SFXN3: variants seen among roughly 807,000 people sequenced by gnomAD.
The protein encoded by SFXN3 is sideroflexin-3.
Under a neutral mutation model 40.4 loss-of-function variants are expected in SFXN3, and 31 were observed. That is an observed-to-expected ratio of 0.77 (90% CI 0.58 to 1.04). The LOEUF is 1.04. Ranked by LOEUF, SFXN3 falls within the 50% of genes least tolerant of loss-of-function variation. The pLI is 0.00. For missense variants in SFXN3, 366 were observed against 408.2 expected (o/e 0.90, Z 0.89); for synonymous variants, 157 against 160.0 (o/e 0.98, Z 0.14).
At position 101,035,671 on chromosome 10, in the gene SFXN3, G is replaced by C. The variant is rs1219233228; in HGVS notation, c.332+4G>C. On this transcript the variant is annotated splice_donor_region_variant and intron_variant, in intron 4 of 11. Transcript: ENST00000393459. ...GCTGCATGCTCACATTCTACAGGCA[G>C]GTCTTGTCCCACGTCCCCTTCTTCA... 6.2e-7 allele frequency: 1 copy of C among 1,605,828 alleles called. No individual in the cohort carries two copies. The highest frequency in any genetic ancestry group is 1.3e-5 in the African/African-American group (1 of 74,956).
At chr10:101,035,766 T>C (rs1938567372) in intron 4 of SFXN3, 99 bp downstream of exon 4, 1 of 1,470,318 alleles carries the variant, frequency 6.8e-7, no homozygotes, top group South Asian at 1.3e-5. Flanking sequence ...AGTGAAAGAT[T>C]GTGTCAGAAT....
rs992068063 is a variant in SFXN3 at position 101,035,833 on chromosome 10, T to C, written c.332+166T>C. 6 of 1,129,246 alleles carry C rather than the reference T, an allele frequency of 5.3e-6. No individual in the cohort carries two copies. In the Admixed American group the frequency reaches 1.3e-4, roughly 24 times the overall value. 70.0% of individuals were successfully genotyped at this position (1,129,246 alleles called of 1,614,324 possible). On this transcript the variant is annotated intron_variant, in intron 4 of 11. Coordinates refer to ENST00000393459, the Ensembl canonical transcript of SFXN3. Reference sequence around the variant, plus strand: ...GGTCTCTCACCCCAGAGACAGTAGGTGTGTTTGTATAAATGGGGGTGGGGG... The same window carrying C: ...GGTCTCTCACCCCAGAGACAGTAGGCGTGTTTGTATAAATGGGGGTGGGGG...
In SFXN3 at chr10:101,037,554, C is replaced by A. The variant is rs931403519; in HGVS notation, c.771+123C>A. 88 of 1,592,700 alleles carry A rather than the reference C, an allele frequency of 5.5e-5. No individual in the cohort carries two copies. The African/African-American group carries it at 1.1e-3, about 21-fold the overall frequency. ...TTGCCAGCCCTTCTCCTGACCCCTG[C>A]ACCGCCTCCTCCACCTTCGTTCATT... On this transcript the variant is annotated intron_variant, in intron 9 of 11. Transcript: ENST00000393459.
At chr10:101,034,336 A>C (rs1003303487) in intron 2 of SFXN3, among the ~76,000 whole-genome samples, 2 of 152,224 alleles carry the variant, frequency 1.3e-5, no homozygotes, top group Non-Finnish European at 2.9e-5. Flanking sequence ...CACGTCCTGC[A>C]CATCCCTAGA....
exon 12 of SFXN3, chr10:101,040,236 C>G (rs1002702850): frequency 1.3e-5 from 2 of 154,282 alleles, no homozygotes; most frequent in African/African-American, 2.4e-5. Flanking sequence ...CTCCTCTCTA[C>G]CAGACAAAGG....
chr10:101,031,337 T>C (rs556951215), exon 1 of SFXN3: 1 of 152,398 alleles, frequency 6.6e-6, no homozygotes, highest in South Asian at 2.1e-4. Flanking sequence ...CCCTAGCTCA[T>C]TCCGCAAATT....
At chr10:101,034,798 A>G in exon 3 of SFXN3, 1 of 1,614,118 alleles carries the variant, frequency 6.2e-7, no homozygotes, top group Non-Finnish European at 8.5e-7. Flanking sequence ...GATCCTCGAA[A>G]TCTGCTGCTG....
At position 101,036,521 on chromosome 10, in the gene SFXN3, G is replaced by A. The variant is rs1044341866; in HGVS notation, c.467G>A (p.Gly156Glu). 1 of 1,614,090 alleles carries A rather than the reference G, an allele frequency of 6.2e-7. No homozygotes were observed. Among genetic ancestry groups the A allele is most frequent in the Non-Finnish European group, 8.5e-7 (1 of 1,179,982 alleles). Residue 156 changes from glycine to glutamate, a missense_variant, in exon 6 of 12, where the codon GGA (glycine) becomes GAA (glutamate). By Grantham distance (98) the Gly-to-Glu change is moderately conservative. Coordinates refer to ENST00000393459, the Ensembl canonical transcript of SFXN3. This position sits in a 1 kb window ranked among gnomAD's most constrained non-coding sequence, Gnocchi z 4.2. ...ACAGCCTATGTGAGTGCCACCACTG[G>A]AGCTGTGGCCACGGCCCTGGGACTC... is the stretch of plus-strand genomic sequence containing the variant.
At chr10:101,034,966 C>G in intron 3 of SFXN3, 111 bp downstream of exon 3, 1 of 1,360,168 alleles carries the variant, frequency 7.4e-7, no homozygotes, top group Non-Finnish European at 1.0e-6. Flanking sequence ...TCCCTCAATC[C>G]CCTCACTCTC....
At chr10:101,037,029 G>C (rs751720466) in intron 7 of SFXN3, 47 bp from the exon 8 acceptor site, 1 of 1,608,174 alleles carries the variant, frequency 6.2e-7, no homozygotes, top group African/African-American at 1.3e-5. Context: ...GGCATTGCAG[G>C]TGGGATCCGG....
chr10:101,038,312 T>C, intron 9 of SFXN3: 2 of 1,255,432 alleles, frequency 1.6e-6, no homozygotes, highest in South Asian at 1.9e-5. Flanking sequence ...TGGGAAGAGG[T>C]AAGTGGAGGT....
At chr10:101,038,929 A>G (rs1938758757) in intron 10 of SFXN3, among the ~76,000 whole-genome samples, 1 of 152,108 alleles carries the variant, frequency 6.6e-6, no homozygotes, top group South Asian at 2.1e-4. Context: ...AACCATGGAA[A>G]TGTACCTTTT....
intron 2 of SFXN3, among the ~76,000 whole-genome samples, chr10:101,032,952 G>A (rs901632844): frequency 9.9e-5 from 15 of 152,172 alleles, no homozygotes; most frequent in African/African-American, 2.4e-5. Context: ...GCTCTTATCC[G>A]GAGGCAAGTG....
rs199985426 is a variant in SFXN3, at chr10:101,036,033, G to A, written c.363G>A (p.Trp121Ter). 6.2e-7 allele frequency: 1 copy of A among 1,614,080 alleles called. No individual in the cohort carries two copies. The highest frequency in any genetic ancestry group is 1.7e-5 in the Admixed American group (1 of 60,010). The change falls in exon 5 of 12, where the codon TGG (tryptophan) becomes TGA (stop). Residue 121 changes from tryptophan (W) to a stop codon, truncating the protein, a stop_gained. Transcript: ENST00000393459. LOFTEE classifies it high-confidence loss of function. This position sits in a 1 kb window ranked among gnomAD's most constrained non-coding sequence, Gnocchi z 4.2. Reference sequence around the variant, plus strand: ...CCCCAACCGTGGTGTTCTGGCAGTGGGTGAATCAGTCCTTCAATGCCATTG... The same window carrying A: ...CCCCAACCGTGGTGTTCTGGCAGTGAGTGAATCAGTCCTTCAATGCCATTG...
intron 2 of SFXN3, among the ~76,000 whole-genome samples, chr10:101,032,932 A>G (rs1219289331): frequency 6.6e-6 from 1 of 152,218 alleles, no homozygotes; most frequent in Non-Finnish European, 1.5e-5. Flanking sequence ...GGGAGCAGCC[A>G]CTGAATCCTG....
chr10:101,038,467 A>G, intron 9 of SFXN3, 176 bp from the exon 10 acceptor site: 1 of 1,470,078 alleles, frequency 6.8e-7, no homozygotes. Flanking sequence ...GCCTGGCTGG[A>G]GTGGAAGGGC....
At chr10:101,038,529 A>C in intron 9 of SFXN3, 114 bp from the exon 10 acceptor site, 1 of 1,585,550 alleles carries the variant, frequency 6.3e-7, no homozygotes, top group Non-Finnish European at 8.6e-7. Flanking sequence ...GAAAACGGCC[A>C]CAGGTCTAAG....
At chr10:101,035,827 A>G in intron 4 of SFXN3, 160 bp downstream of exon 4, 1 of 1,153,526 alleles carries the variant, frequency 8.7e-7, no homozygotes, top group Non-Finnish European at 1.3e-6. Context: ...CCCCAGAGAC[A>G]GTAGGTGTGT....
At chr10:101,035,745 C>G in intron 4 of SFXN3, 78 bp downstream of exon 4, 1 of 1,522,612 alleles carries the variant, frequency 6.6e-7, no homozygotes, top group Non-Finnish European at 8.9e-7. Context: ...CTTGTCTGGG[C>G]CAACTGGGTG....
Sources: allele counts gnomAD v4.1 joint callset (sites outside exome capture counted in the v4.1 genomes callset), GRCh38; gene constraint gnomAD v4.1.1; non-coding constraint Gnocchi (gnomAD v3.1); transcripts MANE v1.5; gene names NCBI Gene and HGNC (gene_info 2026-07-23, HGNC 2026-07-21).